Variants in HOMER1 observed in about 807,000 individuals in gnomAD.
HOMER1 encodes the protein homer protein homolog 1.
A neutral mutation model predicts 48.9 loss-of-function variants in HOMER1; 3 were observed. The ratio of observed to expected loss-of-function variants is 0.06; its 90% confidence interval spans 0.03 to 0.16. HOMER1 has a LOEUF of 0.16. HOMER1 is among the 10% of genes least tolerant of loss of function. The pLI, the probability that HOMER1 is intolerant of heterozygous loss-of-function variation, is 1.00. For missense variants in HOMER1, 247 were observed against 411.4 expected (o/e 0.60, Z 3.46); for synonymous variants, 134 against 146.4 (o/e 0.92, Z 0.61).
At chr5:79,414,532 A>C (rs1718422067) in intron 5 of HOMER1, among the ~76,000 whole-genome samples, 2 of 151,044 alleles carry the variant, frequency 1.3e-5, no homozygotes. Context: ...GGTACATACC[A>C]CCACACTTGA....
chr5:79,450,192 T>C (rs1392822035), intron 3 of HOMER1, among the ~76,000 whole-genome samples: 1 of 152,218 alleles, frequency 6.6e-6, no homozygotes, highest in Non-Finnish European at 1.5e-5. Flanking sequence ...TTTAACTGAA[T>C]GCTTCAAACA....
intron 8 of HOMER1, among the ~76,000 whole-genome samples, chr5:79,378,243 G>GAAAAAAAAAAAAAAAAAAAAAAA (rs1748830853): frequency 8.4e-6 from 1 of 119,028 alleles, no homozygotes; most frequent in African/African-American, 3.9e-5. Context: ...AAAAAAAAAG[G>GAAAAAAAAAAAAAAAAAAAAAAA]AAATTGGCTC....
chr5:79,467,313 C>G (rs1751497450), intron 1 of HOMER1, among the ~76,000 whole-genome samples: 1 of 145,914 alleles, frequency 6.9e-6, no homozygotes. Context: ...ATGGCTTGAA[C>G]CTGGGAGGCT....
At chr5:79,433,424 C>G (rs1750477396) in intron 5 of HOMER1, among the ~76,000 whole-genome samples, 1 of 151,920 alleles carries the variant, frequency 6.6e-6, no homozygotes, top group Non-Finnish European at 1.5e-5. Context: ...AAAAATTAGC[C>G]AGTCGTGGTG....
At chr5:79,450,586 G>A (rs900785446) in intron 3 of HOMER1, among the ~76,000 whole-genome samples, 1 of 152,160 alleles carries the variant, frequency 6.6e-6, no homozygotes, top group African/African-American at 2.4e-5. Flanking sequence ...ATATGTACCT[G>A]CTGTCACATC....
At chr5:79,486,487 A>C (rs998328059) in intron 1 of HOMER1, among the ~76,000 whole-genome samples, 1 of 152,238 alleles carries the variant, frequency 6.6e-6, no homozygotes, top group Non-Finnish European at 1.5e-5. Flanking sequence ...TTGTTATGTT[A>C]TACAGGCATT....
At chr5:79,505,087 C>T (rs1423197121) in intron 1 of HOMER1, among the ~76,000 whole-genome samples, 2 of 151,882 alleles carry the variant, frequency 1.3e-5, no homozygotes, top group Admixed American at 1.3e-4. Context: ...ATGATGAAAC[C>T]CCATCTCTAC....
chr5:79,431,608 A>C (rs1441130428), intron 5 of HOMER1, among the ~76,000 whole-genome samples: 2 of 152,074 alleles, frequency 1.3e-5, no homozygotes, highest in Admixed American at 1.3e-4. Flanking sequence ...TGTATACCTG[A>C]GGTAGTTGTT....
chr5:79,409,642 A>C (rs1749763626), intron 5 of HOMER1, among the ~76,000 whole-genome samples: 1 of 152,206 alleles, frequency 6.6e-6, no homozygotes, highest in South Asian at 2.1e-4. Context: ...CTATCTGATA[A>C]GGGATTAATA....
At chr5:79,400,272 T>C (rs1304155804) in intron 6 of HOMER1, among the ~76,000 whole-genome samples, 1 of 152,086 alleles carries the variant, frequency 6.6e-6, no homozygotes, top group East Asian at 1.9e-4. Flanking sequence ...CTCTCTTAAG[T>C]TAATTTTTAC....
intron 4 of HOMER1, among the ~76,000 whole-genome samples, chr5:79,439,727 T>G (rs1390036941): frequency 6.6e-6 from 1 of 152,194 alleles, no homozygotes; most frequent in Non-Finnish European, 1.5e-5. Context: ...TGTTAGTGCA[T>G]TTCAACTTAT....
chr5:79,389,643 G>A (rs1749198167), intron 8 of HOMER1, among the ~76,000 whole-genome samples: 1 of 152,140 alleles, frequency 6.6e-6, no homozygotes, highest in South Asian at 2.1e-4. Flanking sequence ...GCAGCAACAA[G>A]GCAACATCTT....
chr5:79,465,357 G>A lies in HOMER1; in HGVS notation c.6-8339C>T, dbSNP rs867435680. Among the ~76,000 whole-genome samples, 28 of 151,980 alleles carry A rather than the reference G, an allele frequency of 1.8e-4. No homozygotes were observed. The Middle Eastern group carries it at 0.014, about 74-fold the overall frequency. On this transcript the variant is annotated intron_variant, in intron 1 of 8. Transcript: ENST00000334082. Reference sequence around the variant, plus strand: ...GTCTCTTTAAAAAAGAAAAAAAAATGTATGATCTGAATTCCTTGATCTTTT... The same window carrying A: ...GTCTCTTTAAAAAAGAAAAAAAAATATATGATCTGAATTCCTTGATCTTTT...
At chr5:79,446,038 T>C (rs1255440704) in intron 4 of HOMER1, among the ~76,000 whole-genome samples, 1 of 152,218 alleles carries the variant, frequency 6.6e-6, no homozygotes, top group African/African-American at 2.4e-5. Context: ...TTAAAAAAAT[T>C]TTCTGGCTGC....
chr5:79,443,314 A>G (rs1750789522), intron 4 of HOMER1, among the ~76,000 whole-genome samples: 2 of 152,288 alleles, frequency 1.3e-5, no homozygotes, highest in African/African-American at 4.8e-5. Flanking sequence ...AATATTCTAC[A>G]ATATAATATA....
At position 79,512,753 on chromosome 5, in the gene HOMER1, A is replaced by G. The variant is rs769371663; in HGVS notation, c.5+17T>C. 3 of 1,612,948 alleles carry G rather than the reference A, an allele frequency of 1.9e-6. No homozygotes were observed. Among genetic ancestry groups the G allele is most frequent in the South Asian group, 1.1e-5 (1 of 91,028 alleles). ...CATAAACAGATTCGAAGCTGTGTTA[A>G]GCACAAAAATCCTTACCCCATTTTG... is the stretch of plus-strand genomic sequence containing the variant. On this transcript the variant is annotated intron_variant, in intron 1 of 8. Coordinates refer to ENST00000334082, the MANE Select transcript of HOMER1 (RefSeq NM_004272.5).
At chr5:79,499,569 G>A (rs2112370765) in intron 1 of HOMER1, among the ~76,000 whole-genome samples, 1 of 151,612 alleles carries the variant, frequency 6.6e-6, no homozygotes, top group South Asian at 2.1e-4. Context: ...AATAGAAAAA[G>A]GCATTATGAG....
chr5:79,436,980 C>T (rs1205765382), intron 5 of HOMER1, among the ~76,000 whole-genome samples: 1 of 152,098 alleles, frequency 6.6e-6, no homozygotes, highest in Non-Finnish European at 1.5e-5. Context: ...ATTTTATATT[C>T]AGAACTCTGT....
chr5:79,484,789 T>G (rs1032208555), intron 1 of HOMER1, among the ~76,000 whole-genome samples: 1 of 152,168 alleles, frequency 6.6e-6, no homozygotes, highest in Non-Finnish European at 1.5e-5. Flanking sequence ...CCATGTGCAT[T>G]TTGTTCACCT....
Sources: allele counts gnomAD v4.1 joint callset (sites outside exome capture counted in the v4.1 genomes callset), GRCh38; gene constraint gnomAD v4.1.1; transcripts MANE v1.5; gene names NCBI Gene and HGNC (gene_info 2026-07-23, HGNC 2026-07-21).